Variants in ASXL1 observed in about 807,000 individuals in gnomAD.
ASXL1 encodes the protein polycomb group protein ASXL1.
A neutral mutation model predicts 89.1 loss-of-function variants in ASXL1; 65 were observed. The observed-to-expected ratio is 0.73, with a 90% CI of 0.60 to 0.90. The LOEUF (loss-of-function observed/expected upper bound fraction) is 0.90, where lower values mean the gene tolerates loss of function less well. Ranked by LOEUF, ASXL1 falls within the 40% of genes least tolerant of loss-of-function variation. The pLI, the probability that ASXL1 is intolerant of heterozygous loss-of-function variation, is 0.00. For synonymous variants in ASXL1, 739 were observed against 746.9 expected (o/e 0.99, Z 0.17); for missense variants, 1,786 against 1,942.9 (o/e 0.92, Z 1.52).
At chr20:32,377,035 A>G (rs940144715) in intron 4 of ASXL1, among the ~76,000 whole-genome samples, 3 of 141,572 alleles carry the variant, frequency 2.1e-5, no homozygotes, top group African/African-American at 7.7e-5. Context: ...CAGGTGATAT[A>G]ATATACAACA....
chr20:32,359,049 C>A (rs964651257), intron 1 of ASXL1: 9 of 611,424 alleles, frequency 1.5e-5, no homozygotes, highest in Admixed American at 3.0e-5. Context: ...TCGCGCCCCC[C>A]CCGCCCCGCG....
At chr20:32,413,746 CT>C (rs1466608651) in intron 4 of ASXL1, among the ~76,000 whole-genome samples, 14 of 152,328 alleles carry the variant, frequency 9.2e-5, no homozygotes, top group Non-Finnish European at 2.1e-4. Flanking sequence ...TTTCCTCGGA[CT>C]TTCCTTATAT....
chr20:32,410,709 T>C (rs1467380051), intron 4 of ASXL1, among the ~76,000 whole-genome samples: 1 of 152,076 alleles, frequency 6.6e-6, no homozygotes, highest in Admixed American at 6.6e-5. Flanking sequence ...TAGCATCCAC[T>C]GATGAAGGAT....
intron 3 of ASXL1, among the ~76,000 whole-genome samples, chr20:32,368,282 C>T (rs1466517699): frequency 1.3e-5 from 2 of 152,128 alleles, no homozygotes; most frequent in African/African-American, 4.8e-5. Flanking sequence ...CAGTAAGTAG[C>T]ATCCTTTGCA....
Position 32,434,708 on chromosome 20 carries a change from G to A in ASXL1, c.1996G>A (p.Gly666Ser), listed in dbSNP as rs973698132. The part of the protein sequence containing the change: ...DEGGGRGSSS[G>S]DGGEACGHPE... ...GGGAGGTGGCAGAGGCAGCAGCAGTGGTGATGGTGGTGAGGCCTGTGGCCA... is the reference window on the plus strand; with the variant it reads ...GGGAGGTGGCAGAGGCAGCAGCAGTAGTGATGGTGGTGAGGCCTGTGGCCA... Residue 666 changes from glycine (G) to serine (S), a missense_variant, in exon 13 of 13, where the codon GGT becomes AGT. Physicochemically the swap from Gly to Ser is moderately conservative, Grantham distance 56. This residue lies in a region of ASXL1 where 1,418 missense variants were observed against 1,427.8 expected (regional missense o/e 0.99). Transcript: ENST00000375687. 9 of 1,609,180 alleles carry A rather than the reference G, an allele frequency of 5.6e-6. No individual in the cohort carries two copies. The highest frequency in any genetic ancestry group is 7.6e-6 in the Non-Finnish European group (9 of 1,178,206).
At chr20:32,426,554 C>CTTTTTTTTTTTTTTTTTTT (rs1177815042) in intron 4 of ASXL1, among the ~76,000 whole-genome samples, 1 of 83,950 alleles carries the variant, frequency 1.2e-5, no homozygotes, top group African/African-American at 4.6e-5. Context: ...TTTTTTCTTT[C>CTTTTTTTTTTTTTTTTTTT]TTTTTTTTTT....
At chr20:32,420,038 TC>T (rs1287758222) in intron 4 of ASXL1, among the ~76,000 whole-genome samples, 10 of 124,806 alleles carry the variant, frequency 8.0e-5, no homozygotes, top group Non-Finnish European at 2.0e-4. Flanking sequence ...ACTTGATTTT[TC>T]CTTTTTTTTT....
chr20:32,389,832 T>C (rs1358468109), intron 4 of ASXL1, among the ~76,000 whole-genome samples: 1 of 152,218 alleles, frequency 6.6e-6, no homozygotes, highest in Non-Finnish European at 1.5e-5. Context: ...CCTCCCCAAG[T>C]GTTGGGATTA....
At position 32,359,449 on chromosome 20, in the gene ASXL1, C is replaced by A. The variant is rs1248915386; in HGVS notation, c.57+617C>A. The A allele has an allele frequency of 4.3e-6, 3 of 697,578 alleles. No homozygotes were observed. The African/African-American group carries it at 5.3e-5, about 12-fold the overall frequency. 43.2% of individuals were successfully genotyped at this position (697,578 alleles called of 1,614,324 possible). On this transcript the variant is annotated intron_variant, in intron 1 of 12. Transcript: ENST00000375687. The stretch of plus-strand genomic sequence containing the variant: ...GCGGTTAGGAACGCTACTCCTAGGG[C>A]CCTTCGTAAGACCTGCTGAGCCTCA...
intron 4 of ASXL1, among the ~76,000 whole-genome samples, chr20:32,401,442 C>T (rs2048869266): frequency 6.6e-6 from 1 of 152,140 alleles, no homozygotes; most frequent in African/African-American, 2.4e-5. Flanking sequence ...TGTCATAATA[C>T]AGTAGTCCCC....
At chr20:32,364,081 C>T (rs1039155213) in intron 1 of ASXL1, among the ~76,000 whole-genome samples, 1 of 152,072 alleles carries the variant, frequency 6.6e-6, no homozygotes, top group Admixed American at 6.6e-5. Flanking sequence ...TTGTAATTGC[C>T]CCAGTTTAGA....
chr20:32,420,907 A>T (rs1297228824), intron 4 of ASXL1, among the ~76,000 whole-genome samples: 2 of 152,182 alleles, frequency 1.3e-5, no homozygotes, highest in Non-Finnish European at 2.9e-5. Flanking sequence ...GAATGAGTTC[A>T]TGCCCTTTGC....
intron 4 of ASXL1, among the ~76,000 whole-genome samples, chr20:32,426,541 CTTTTTTTTCTTTCT>C (rs1223668791): frequency 1.8e-4 from 17 of 92,574 alleles, no homozygotes; most frequent in Non-Finnish European, 3.7e-4. Context: ...AAACTGTTTT[CTTTTTTTTCTTTCT>C]TTTTTTTTTT....
chr20:32,428,536 T>G (rs2011403830), intron 6 of ASXL1, 114 bp downstream of exon 6: 1 of 1,034,774 alleles, frequency 9.7e-7, no homozygotes, highest in African/African-American at 1.6e-5. Flanking sequence ...AGAATAGAAG[T>G]CTGGTCTCCA....
chr20:32,370,547 G>A lies in ASXL1; in HGVS notation c.252+1424G>A, dbSNP rs988280532. Among the ~76,000 whole-genome samples, 52 of 152,176 alleles carry A rather than the reference G, an allele frequency of 3.4e-4. 1 individual carries two copies. The highest frequency in any genetic ancestry group is 1.2e-3 in the African/African-American group (51 of 41,446). On this transcript the variant is annotated intron_variant, in intron 4 of 12. Transcript: ENST00000375687. ...ATGACTTGTCGACATTGGAGAAACT[G>A]AAAATTTGATGCTGACCCTTTCGTT...
At chr20:32,426,947 C>T (rs367760921) in intron 4 of ASXL1, 1 of 152,134 alleles carries the variant, frequency 6.6e-6, no homozygotes, top group African/African-American at 2.4e-5. Context: ...GATCAAGAGA[C>T]TCATGAAATT....
In ASXL1 at chr20:32,439,102, G is replaced by A; in HGVS notation, c.*1764G>A. The A allele has an allele frequency of 8.6e-6, 2 of 233,578 alleles. No homozygotes were observed. The highest frequency in any genetic ancestry group is 5.6e-5 in the Admixed American group (1 of 17,802). The allele number at this position is 233,578 out of a possible 1,614,324, so 14.5% of individuals were successfully genotyped here. A position where few individuals can be genotyped will look rare whatever the true frequency, so the allele number is the denominator to read the frequency against. On this transcript the variant is annotated 3_prime_UTR_variant, in exon 13 of 13. Coordinates refer to ENST00000375687, the MANE Select transcript of ASXL1 (RefSeq NM_015338.6). ...GAATGATGTGGTGATTTAGAATGCA[G>A]TATTGGCCAAGTCCAAGTTGTCAAC... is the stretch of plus-strand genomic sequence containing the variant.
intron 4 of ASXL1, among the ~76,000 whole-genome samples, chr20:32,406,623 C>G (rs2048960437): frequency 6.6e-6 from 1 of 152,152 alleles, no homozygotes; most frequent in Non-Finnish European, 1.5e-5. Flanking sequence ...TTTCTTCATG[C>G]AGATGTCCTC....
intron 4 of ASXL1, among the ~76,000 whole-genome samples, chr20:32,380,236 C>T (rs986790521): frequency 7.9e-5 from 12 of 152,094 alleles, no homozygotes; most frequent in African/African-American, 2.7e-4. Context: ...GAGCCTATTG[C>T]GCAACTGCAC....
Sources: gnomAD v4.1 joint callset for allele counts (sites outside exome capture counted in the v4.1 genomes callset) on GRCh38, gnomAD v4.1.1 for gene constraint, gnomAD v4.1.1 regional missense constraint, MANE v1.5 for transcripts, NCBI Gene and HGNC (gene_info 2026-07-23, HGNC 2026-07-21) for gene names.